ITFG1: variants seen among roughly 807,000 people sequenced by gnomAD.
ITFG1 encodes T-cell immunomodulatory protein.
In ITFG1, 34 loss-of-function variants were observed where a neutral mutation model predicts 81.8. That is an observed-to-expected ratio of 0.42 (90% CI 0.32 to 0.55). ITFG1 has a LOEUF of 0.55. Ranked by LOEUF, ITFG1 falls within the 20% of genes least tolerant of loss-of-function variation. ITFG1 has a pLI of 0.17. For missense variants in ITFG1, 672 were observed against 755.4 expected, an observed-to-expected ratio of 0.89 and a Z score of 1.29; for synonymous variants, 285 against 270.6, an observed-to-expected ratio of 1.05 and a Z score of -0.52.
chr16:47,316,582 G>A (rs975749761), intron 8 of ITFG1, among the ~76,000 whole-genome samples: 1 of 152,094 alleles, frequency 6.6e-6, no homozygotes, highest in African/African-American at 2.4e-5. Context: ...CTCTTGTTCC[G>A]TACAGCATTT....
intron 14 of ITFG1, among the ~76,000 whole-genome samples, chr16:47,212,370 C>T (rs779671731): frequency 3.9e-5 from 6 of 152,112 alleles, no homozygotes; most frequent in Non-Finnish European, 7.3e-5. Flanking sequence ...CATGCCACTA[C>T]ATCTGGCTTA....
At chr16:47,215,641 T>C (rs1465076959) in intron 14 of ITFG1, among the ~76,000 whole-genome samples, 3 of 152,368 alleles carry the variant, frequency 2.0e-5, no homozygotes, top group South Asian at 2.1e-4. Context: ...ATTTTGTTTA[T>C]ATATTTTTCC....
chr16:47,294,792 C>T (rs1447252967), intron 10 of ITFG1, among the ~76,000 whole-genome samples: 3 of 151,908 alleles, frequency 2.0e-5, no homozygotes, highest in African/African-American at 4.8e-5. Flanking sequence ...GGTGTTAGAC[C>T]ATATCTTTAG....
intron 8 of ITFG1, among the ~76,000 whole-genome samples, chr16:47,348,224 G>A (rs911817649): frequency 1.3e-5 from 2 of 152,200 alleles, no homozygotes; most frequent in Admixed American, 6.5e-5. Flanking sequence ...TAACTTTGAC[G>A]AGTTAAGAGA....
At chr16:47,306,383 G>A (rs367556989) in intron 10 of ITFG1, among the ~76,000 whole-genome samples, 84 of 151,970 alleles carry the variant, frequency 5.5e-4, no homozygotes, top group African/African-American at 1.9e-3. Flanking sequence ...CATATTAAAA[G>A]CATAAAAAAT....
At chr16:47,287,033 C>T (rs1567446412) in intron 10 of ITFG1, among the ~76,000 whole-genome samples, 2 of 152,098 alleles carry the variant, frequency 1.3e-5, no homozygotes, top group Non-Finnish European at 2.9e-5. Flanking sequence ...CTTTTTGAGG[C>T]AAGCAAGACC....
At chr16:47,309,563 C>G (rs1175213573) in intron 10 of ITFG1, among the ~76,000 whole-genome samples, 1 of 152,158 alleles carries the variant, frequency 6.6e-6, no homozygotes, top group Admixed American at 6.5e-5. Context: ...AAAGTTAGGG[C>G]TACTTCTCAT....
chr16:47,336,950 G>A (rs1357749065), intron 8 of ITFG1, among the ~76,000 whole-genome samples: 5 of 148,466 alleles, frequency 3.4e-5, no homozygotes, highest in Non-Finnish European at 7.4e-5. Flanking sequence ...GGGACACAGC[G>A]AGACTCCATC....
In ITFG1 at chr16:47,416,446, AG is replaced by A. The variant is rs1968876490; in HGVS notation, c.655+12357del. 3.9e-5 allele frequency among the ~76,000 whole-genome samples: 6 copies of A among 152,280 alleles called. No individual in the cohort carries two copies. The South Asian group carries it at 1.2e-3, about 32-fold the overall frequency. On this transcript the variant is annotated intron_variant, in intron 6 of 17. Coordinates refer to ENST00000320640, the MANE Select transcript of ITFG1 (RefSeq NM_030790.5). ...TCTTTATATTAAGAATTTCAGCTAA[AG>A]CTTATTGTTTGCAAAAGTTTTGTAT... is the stretch of plus-strand genomic sequence containing the variant.
chr16:47,361,824 C>T (rs928038247), intron 8 of ITFG1, among the ~76,000 whole-genome samples: 1 of 152,146 alleles, frequency 6.6e-6, no homozygotes, highest in Non-Finnish European at 1.5e-5. Flanking sequence ...TTTCTGACCA[C>T]CTTTTAGCAC....
intron 12 of ITFG1, among the ~76,000 whole-genome samples, chr16:47,256,071 C>A (rs995206108): frequency 8.6e-5 from 13 of 151,968 alleles, no homozygotes; most frequent in Non-Finnish European, 1.5e-4. Flanking sequence ...GCCTCCCAGG[C>A]TCCAGCCTCA....
chr16:47,239,528 A>C (rs1965910980), intron 12 of ITFG1, among the ~76,000 whole-genome samples: 1 of 152,070 alleles, frequency 6.6e-6, no homozygotes, highest in South Asian at 2.1e-4. Flanking sequence ...ATAGCAGCCT[A>C]AATGGACTAA....
At chr16:47,204,463 T>C (rs187995178) in intron 14 of ITFG1, among the ~76,000 whole-genome samples, 18 of 152,376 alleles carry the variant, frequency 1.2e-4, no homozygotes, top group East Asian at 7.7e-4. Context: ...CTAAAGATAA[T>C]AAATTCAGCA....
chr16:47,300,018 G>GAAAGA (rs1397022877), intron 10 of ITFG1: 2 of 152,310 alleles, frequency 1.3e-5, no homozygotes, highest in African/African-American at 4.8e-5. Context: ...TTCTTTCCCT[G>GAAAGA]GAGTAGTTCC....
intron 12 of ITFG1, among the ~76,000 whole-genome samples, chr16:47,254,714 G>A (rs1306123193): frequency 6.6e-6 from 1 of 152,186 alleles, no homozygotes; most frequent in Non-Finnish European, 1.5e-5. Context: ...AATATCTCTT[G>A]CACTTGAAAT....
intron 6 of ITFG1, among the ~76,000 whole-genome samples, chr16:47,403,127 G>A (rs1428259917): frequency 6.6e-6 from 1 of 151,810 alleles, no homozygotes; most frequent in African/African-American, 2.4e-5. Flanking sequence ...GATCATATTT[G>A]CAGTATTTAT....
intron 14 of ITFG1, among the ~76,000 whole-genome samples, chr16:47,181,976 G>C (rs1042708244): frequency 6.6e-6 from 1 of 152,138 alleles, no homozygotes; most frequent in African/African-American, 2.4e-5. Flanking sequence ...ACAGATGCTT[G>C]AAGGCAGCAG....
intron 10 of ITFG1, among the ~76,000 whole-genome samples, chr16:47,287,713 T>G (rs1276534515): frequency 6.6e-6 from 1 of 152,194 alleles, no homozygotes; most frequent in Non-Finnish European, 1.5e-5. Context: ...TGTCTGTTTT[T>G]GATTCTGGCC....
intron 8 of ITFG1, among the ~76,000 whole-genome samples, chr16:47,327,889 T>C (rs934537159): frequency 6.6e-6 from 1 of 152,182 alleles, no homozygotes; most frequent in African/African-American, 2.4e-5. Flanking sequence ...TGTAAACTAG[T>C]TCAACCATTG....
Sources: gnomAD v4.1 joint callset for allele counts (sites outside exome capture counted in the v4.1 genomes callset) on GRCh38, gnomAD v4.1.1 for gene constraint, MANE v1.5 for transcripts, NCBI Gene and HGNC (gene_info 2026-07-23, HGNC 2026-07-21) for gene names.